FSTL5: variants seen among roughly 807,000 people sequenced by gnomAD.
FSTL5 encodes follistatin-related protein 5.
In FSTL5, 62 loss-of-function variants were observed where a neutral mutation model predicts 89.1. The ratio of observed to expected loss-of-function variants is 0.70; its 90% confidence interval spans 0.57 to 0.86. FSTL5 has a LOEUF of 0.86. Among genes scored for constraint, FSTL5 ranks in the 40% least tolerant of loss-of-function variants. The pLI is 0.00. For missense variants in FSTL5, 1,057 were observed against 1,001.6 expected, an observed-to-expected ratio of 1.06 and a Z score of -0.75; for synonymous variants, 383 against 346.2, an observed-to-expected ratio of 1.11 and a Z score of -1.18.
chr4:161,641,010 T>A (rs998687255), intron 7 of FSTL5, among the ~76,000 whole-genome samples: 1 of 152,150 alleles, frequency 6.6e-6, no homozygotes, highest in Non-Finnish European at 1.5e-5. Context: ...ATATTCAAAG[T>A]GCTAAAAGAA....
intron 3 of FSTL5, among the ~76,000 whole-genome samples, chr4:161,989,271 CT>C (rs1405970576): frequency 6.6e-6 from 1 of 152,142 alleles, no homozygotes; most frequent in African/African-American, 2.4e-5. Context: ...ACATGAAAAA[CT>C]TCCTCCCTCT....
chr4:162,069,135 G>A (rs1729488198), intron 2 of FSTL5, among the ~76,000 whole-genome samples: 1 of 152,010 alleles, frequency 6.6e-6, no homozygotes, highest in Non-Finnish European at 1.5e-5. Flanking sequence ...AGACAGTGTG[G>A]TAATTCCTCA....
intron 2 of FSTL5, among the ~76,000 whole-genome samples, chr4:162,107,371 C>T (rs1189899738): frequency 2.0e-5 from 3 of 152,064 alleles, no homozygotes; most frequent in African/African-American, 4.8e-5. Context: ...ACAGAGTACC[C>T]GCTATACAAT....
At chr4:161,661,719 A>G (rs1394674535) in intron 6 of FSTL5, among the ~76,000 whole-genome samples, 2 of 152,168 alleles carry the variant, frequency 1.3e-5, no homozygotes, top group African/African-American at 4.8e-5. Context: ...CTAAATGTCT[A>G]CCTGTTAAAT....
intron 15 of FSTL5, among the ~76,000 whole-genome samples, chr4:161,396,969 T>C (rs929177584): frequency 6.6e-6 from 1 of 152,126 alleles, no homozygotes; most frequent in Admixed American, 6.6e-5. Context: ...TTCAACTCTC[T>C]TTACTCTCTT....
intron 4 of FSTL5, among the ~76,000 whole-genome samples, chr4:161,878,465 G>A (rs372257271): frequency 2.0e-5 from 3 of 151,970 alleles, no homozygotes; most frequent in East Asian, 1.9e-4. Context: ...ATATAATACC[G>A]CAGATCAGAT....
intron 2 of FSTL5, among the ~76,000 whole-genome samples, chr4:162,086,814 G>C (rs565669540): frequency 6.6e-6 from 1 of 151,880 alleles, no homozygotes; most frequent in African/African-American, 2.4e-5. Flanking sequence ...TTTAGATTTA[G>C]AAAGAAGTTA....
intron 3 of FSTL5, among the ~76,000 whole-genome samples, chr4:162,016,683 T>C (rs1736924963): frequency 6.6e-6 from 1 of 152,230 alleles, no homozygotes; most frequent in Non-Finnish European, 1.5e-5. Context: ...TTTCTAATTA[T>C]ATTTGGAGTA....
chr4:161,438,319 T>G (rs749641671), intron 15 of FSTL5, among the ~76,000 whole-genome samples: 39 of 152,280 alleles, frequency 2.6e-4, no homozygotes, highest in East Asian at 5.8e-4. Flanking sequence ...GGCCAGAGCT[T>G]CTTCTTACTA....
At chr4:161,490,480 T>C (rs1489219855) in intron 12 of FSTL5, among the ~76,000 whole-genome samples, 4 of 152,162 alleles carry the variant, frequency 2.6e-5, no homozygotes, top group Non-Finnish European at 5.9e-5. Context: ...ATCAGGTGGA[T>C]TTTGTGACTG....
At chr4:161,842,764 T>C (rs1187844101) in intron 4 of FSTL5, among the ~76,000 whole-genome samples, 1 of 152,168 alleles carries the variant, frequency 6.6e-6, no homozygotes, top group Non-Finnish European at 1.5e-5. Flanking sequence ...TTATTTATTC[T>C]AATACTTTTC....
At chr4:162,157,604 G>T (rs1471944890) in intron 1 of FSTL5, among the ~76,000 whole-genome samples, 1 of 152,046 alleles carries the variant, frequency 6.6e-6, no homozygotes, top group Non-Finnish European at 1.5e-5. Context: ...ATTTATGCCA[G>T]ACTTCTTGTC....
chr4:162,141,337 G>A (rs1427484433), intron 1 of FSTL5, among the ~76,000 whole-genome samples: 3 of 85,928 alleles, frequency 3.5e-5, no homozygotes, highest in Non-Finnish European at 5.4e-5. Flanking sequence ...GGATGGTCTC[G>A]ATCTCCTGAC....
chr4:161,961,060 A>G (rs1735161111), intron 3 of FSTL5, among the ~76,000 whole-genome samples: 1 of 150,928 alleles, frequency 6.6e-6, no homozygotes, highest in Non-Finnish European at 1.5e-5. Flanking sequence ...TTTTATTTAG[A>G]TATTTATTCT....
At chr4:161,625,555 A>G (rs181399929) in intron 7 of FSTL5, among the ~76,000 whole-genome samples, 1 of 152,182 alleles carries the variant, frequency 6.6e-6, no homozygotes, top group Admixed American at 6.5e-5. Flanking sequence ...CTCTCTCACT[A>G]TCCTCAGGCC....
chr4:161,726,580 C>T (rs1473879346), intron 6 of FSTL5, among the ~76,000 whole-genome samples: 1 of 152,048 alleles, frequency 6.6e-6, no homozygotes, highest in Non-Finnish European at 1.5e-5. Context: ...ATCACATGTG[C>T]ATTATGCACA....
chr4:161,572,938 G>A (rs1733071901), intron 8 of FSTL5, among the ~76,000 whole-genome samples: 1 of 152,168 alleles, frequency 6.6e-6, no homozygotes, highest in South Asian at 2.1e-4. Flanking sequence ...ATCAAAAAGT[G>A]ATACGGTGGC....
intron 15 of FSTL5, among the ~76,000 whole-genome samples, chr4:161,391,088 T>A (rs544769495): frequency 1.4e-4 from 21 of 152,282 alleles, no homozygotes; most frequent in Non-Finnish European, 2.4e-4. Context: ...CACTCTATCC[T>A]GTTATAAAAA....
At chr4:161,768,770 A>G (rs1741106915) in intron 5 of FSTL5, among the ~76,000 whole-genome samples, 1 of 151,926 alleles carries the variant, frequency 6.6e-6, no homozygotes, top group Admixed American at 6.6e-5. Context: ...AGAATCTTAA[A>G]GAACTTAATG....
Sources: gnomAD v4.1 joint callset for allele counts (sites outside exome capture counted in the v4.1 genomes callset) on GRCh38, gnomAD v4.1.1 for gene constraint, MANE v1.5 for transcripts, NCBI Gene and HGNC (gene_info 2026-07-23, HGNC 2026-07-21) for gene names.